MLIP: variants seen among roughly 807,000 people sequenced by gnomAD.
MLIP encodes the protein muscular LMNA interacting protein.
In MLIP, 79 loss-of-function variants were observed where a neutral mutation model predicts 84.8. That is an observed-to-expected ratio of 0.93 (90% CI 0.78 to 1.12). The LOEUF is 1.12. MLIP is among the 50% of genes most tolerant of loss of function. The pLI, the probability that MLIP is intolerant of heterozygous loss-of-function variation, is 0.00. For missense variants in MLIP, 1,257 were observed against 1,160.6 expected, an observed-to-expected ratio of 1.08 and a Z score of -1.21; for synonymous variants, 504 against 463.0, an observed-to-expected ratio of 1.09 and a Z score of -1.14.
At chr6:54,123,653 T>C (rs1057198036) in intron 2 of MLIP, among the ~76,000 whole-genome samples, 2 of 152,208 alleles carry the variant, frequency 1.3e-5, no homozygotes, top group African/African-American at 4.8e-5. Flanking sequence ...TAACTCTCTA[T>C]TTTGAAATAA....
intron 12 of MLIP, 136 bp downstream of exon 12, chr6:54,231,053 T>A: frequency 1.5e-6 from 1 of 645,220 alleles, no homozygotes; most frequent in Non-Finnish European, 2.5e-6. Context: ...TAAAGAATAT[T>A]AAATATTTGT....
At position 54,067,364 on chromosome 6, in the gene MLIP, G is replaced by A. The variant is rs1267288163; in HGVS notation, c.63+48273G>A. Among the ~76,000 whole-genome samples the A allele has an allele frequency of 4.9e-5, 5 of 101,136 alleles. 2 individuals carry two copies. Among genetic ancestry groups the A allele is most frequent in the Non-Finnish European group, 1.4e-4 (5 of 35,070 alleles). 66.3% of individuals were successfully genotyped at this position (101,136 alleles called of 152,430 possible). On this transcript the variant is annotated intron_variant, in intron 1 of 12. Coordinates refer to the MLIP transcript ENST00000274897. ...GTTTGATAGTTGCCATTAATTAAAT[G>A]CCCAACAAGTTCAACAAAATACACA... is the stretch of plus-strand genomic sequence containing the variant.
At position 54,243,713 on chromosome 6, in the gene MLIP, C is replaced by T. The variant is rs1781890181; in HGVS notation, c.2922+12796C>T. On this transcript the variant is annotated intron_variant, in intron 12 of 13. Transcript: ENST00000502396. ...TTTCTTTGAGATATCTCCCTAACGT[C>T]TATCAATAAAGTGGCATTACCACTT... is the stretch of plus-strand genomic sequence containing the variant. Among the ~76,000 whole-genome samples the T allele has an allele frequency of 2.6e-5, 4 of 152,156 alleles. No homozygotes were observed. In the South Asian group the frequency reaches 8.3e-4, roughly 31 times the overall value.
intron 8 of MLIP, among the ~76,000 whole-genome samples, chr6:54,162,553 G>A (rs1169692232): frequency 1.3e-5 from 2 of 151,948 alleles, no homozygotes; most frequent in African/African-American, 4.8e-5. Context: ...CTGCAGTCAG[G>A]GAAACAGTCA....
chr6:54,207,408 C>CG (rs1779105245), intron 11 of MLIP, among the ~76,000 whole-genome samples: 1 of 115,784 alleles, frequency 8.6e-6, no homozygotes, highest in African/African-American at 3.1e-5. Context: ...ATCACCTCTG[C>CG]ACCCCCCCCC....
chr6:54,096,464 C>G (rs1768219940), intron 1 of MLIP, among the ~76,000 whole-genome samples: 1 of 151,834 alleles, frequency 6.6e-6, no homozygotes, highest in African/African-American at 2.4e-5. Context: ...CAACTGTCAC[C>G]TCCTTCAGGG....
At chr6:54,138,352 CA>C in intron 4 of MLIP, 66 bp downstream of exon 4, 7 of 1,449,874 alleles carry the variant, frequency 4.8e-6, no homozygotes, top group Non-Finnish European at 6.3e-6. Flanking sequence ...TTTTTTTCCC[CA>C]AGGCAGAAAT....
chr6:54,242,526 G>T (rs778412722), intron 12 of MLIP, among the ~76,000 whole-genome samples: 1 of 151,874 alleles, frequency 6.6e-6, no homozygotes, highest in Non-Finnish European at 1.5e-5. Flanking sequence ...AATATTTTTT[G>T]CCAGAGGTTT....
In MLIP at chr6:54,252,115, ACTATAT is replaced by A. The variant is rs1562109855; in HGVS notation, c.2923-5192_2923-5187del. ...TATATATTATAACATATAATATATA[ACTATAT>A]TATAACATATAATATATAACTATAA... On this transcript the variant is annotated intron_variant, in intron 12 of 13. Transcript: ENST00000502396. Among the ~76,000 whole-genome samples, 84 of 96,412 alleles carry A rather than the reference ACTATAT, an allele frequency of 8.7e-4. 2 individuals carry two copies. Among genetic ancestry groups the A allele is most frequent in the African/African-American group, 3.9e-3 (78 of 19,862 alleles). 63.3% of individuals were successfully genotyped at this position (96,412 alleles called of 152,430 possible).
At chr6:54,093,016 A>T (rs1289244373) in intron 1 of MLIP, among the ~76,000 whole-genome samples, 1 of 152,106 alleles carries the variant, frequency 6.6e-6, no homozygotes, top group Non-Finnish European at 1.5e-5. Context: ...AGCTGGGATT[A>T]CAGGCATGCA....
chr6:54,228,299 A>T (rs150425948), intron 11 of MLIP, among the ~76,000 whole-genome samples: 1 of 152,216 alleles, frequency 6.6e-6, no homozygotes, highest in Non-Finnish European at 1.5e-5. Context: ...GAATCACAGG[A>T]TCATAATGTA....
At chr6:54,258,676 C>T (rs968196121) in intron 13 of MLIP, among the ~76,000 whole-genome samples, 2 of 151,974 alleles carry the variant, frequency 1.3e-5, no homozygotes, top group Non-Finnish European at 2.9e-5. Flanking sequence ...TGAGAGGTTA[C>T]TATACATTAG....
upstream of MLIP, among the ~76,000 whole-genome samples, chr6:54,106,952 GC>G (rs1351032422): frequency 6.6e-6 from 1 of 152,182 alleles, no homozygotes; most frequent in Non-Finnish European, 1.5e-5. Flanking sequence ...ATGGCACAAA[GC>G]AGACAGAGGA....
intron 4 of MLIP, among the ~76,000 whole-genome samples, chr6:54,141,940 T>C (rs1318746966): frequency 2.0e-5 from 3 of 152,218 alleles, no homozygotes; most frequent in Non-Finnish European, 4.4e-5. Context: ...AGAGCTATTT[T>C]ATATTTCATA....
intron 1 of MLIP, among the ~76,000 whole-genome samples, chr6:54,055,450 TATC>T (rs1765609459): frequency 6.6e-6 from 1 of 152,198 alleles, no homozygotes; most frequent in South Asian, 2.1e-4. Flanking sequence ...TTTATGGAAG[TATC>T]ATAAACTATT....
chr6:54,173,929 T>A (rs1404360223), intron 9 of MLIP, among the ~76,000 whole-genome samples: 1 of 151,432 alleles, frequency 6.6e-6, no homozygotes, highest in East Asian at 1.9e-4. Flanking sequence ...CTGCTCTCTA[T>A]CTCCATGAGT....
chr6:54,202,669 T>C (rs1032210995), intron 11 of MLIP, among the ~76,000 whole-genome samples: 8 of 151,682 alleles, frequency 5.3e-5, no homozygotes, highest in African/African-American at 1.9e-4. Flanking sequence ...AAGGCAGGAG[T>C]ATTGCTTGAC....
At chr6:54,205,770 T>A (rs1021742114) in intron 11 of MLIP, among the ~76,000 whole-genome samples, 2 of 152,204 alleles carry the variant, frequency 1.3e-5, no homozygotes, top group African/African-American at 4.8e-5. Context: ...ATATTAGATT[T>A]TTTTTTAAAA....
At chr6:54,238,328 T>C (rs1288179640) in intron 12 of MLIP, among the ~76,000 whole-genome samples, 1 of 152,194 alleles carries the variant, frequency 6.6e-6, no homozygotes, top group African/African-American at 2.4e-5. Flanking sequence ...ATTTCTTCTA[T>C]CTTCTACTCT....
Sources: allele counts gnomAD v4.1 joint callset (sites outside exome capture counted in the v4.1 genomes callset), GRCh38; gene constraint gnomAD v4.1.1; transcripts MANE v1.5; gene names NCBI Gene and HGNC (gene_info 2026-07-23, HGNC 2026-07-21).